Variants in PHF21A observed in about 807,000 individuals in gnomAD.
PHF21A encodes the protein BHC80a.
Under a neutral mutation model 82.5 loss-of-function variants are expected in PHF21A, and 11 were observed. The ratio of observed to expected loss-of-function variants is 0.13; its 90% CI spans 0.08 to 0.22. The LOEUF (loss-of-function observed/expected upper bound fraction) is 0.22, where lower values mean the gene tolerates loss of function less well. Among genes scored for constraint, PHF21A ranks in the 10% least tolerant of loss-of-function variants. The pLI is 1.00. For synonymous variants in PHF21A, 297 were observed against 302.8 expected (o/e 0.98, Z 0.20); for missense variants, 579 against 837.8 (o/e 0.69, Z 3.81).
chr11:45,983,304 G>A (rs562242801), intron 6 of PHF21A, among the ~76,000 whole-genome samples: 57 of 145,930 alleles, frequency 3.9e-4, no homozygotes, highest in African/African-American at 1.4e-3. Context: ...TGAGAGGAGG[G>A]AAAAAAAAAA....
At chr11:45,961,406 T>G (rs2945999) in intron 10 of PHF21A, among the ~76,000 whole-genome samples, 77,119 of 152,064 alleles carry the variant, frequency 0.51, 22,522 homozygotes, top group Non-Finnish European at 0.66. Flanking sequence ...CTTGGAACTA[T>G]TTTCTCTACT....
intron 4 of PHF21A, among the ~76,000 whole-genome samples, chr11:46,081,079 T>C (rs2096785894): frequency 6.6e-6 from 1 of 152,226 alleles, no homozygotes; most frequent in Non-Finnish European, 1.5e-5. Context: ...TGTAATAATC[T>C]AAGAAACCCT....
At chr11:45,954,629 T>C (rs907809414) in intron 10 of PHF21A, among the ~76,000 whole-genome samples, 6 of 152,202 alleles carry the variant, frequency 3.9e-5, no homozygotes, top group African/African-American at 1.4e-4. Flanking sequence ...ACTGGTAGAC[T>C]GGGCTTGCAT....
At chr11:46,099,927 T>G (rs2097068623) in intron 1 of PHF21A, among the ~76,000 whole-genome samples, 1 of 152,186 alleles carries the variant, frequency 6.6e-6, no homozygotes, top group Non-Finnish European at 1.5e-5. Flanking sequence ...CCATACAATT[T>G]ACATTTTTTA....
intron 18 of PHF21A, chr11:45,935,007 T>G: frequency 2.6e-6 from 2 of 757,220 alleles, no homozygotes; most frequent in Non-Finnish European, 4.0e-6. Context: ...CCAACAAGGG[T>G]GACCTACTCA....
At chr11:46,120,431 G>A (rs1593534275) in intron 1 of PHF21A, 2 of 145,662 alleles carry the variant, frequency 1.4e-5, no homozygotes, top group East Asian at 4.3e-4. Flanking sequence ...CCGGGACAAT[G>A]TGACGCCCCC....
intron 8 of PHF21A, chr11:45,970,819 G>C (rs2093699917): frequency 3.0e-6 from 1 of 336,700 alleles, no homozygotes; most frequent in Non-Finnish European, 5.5e-6. Flanking sequence ...GGGAGAGGGA[G>C]ACATAAATGA....
At chr11:46,084,602 C>T (rs913904592) in intron 3 of PHF21A, among the ~76,000 whole-genome samples, 4 of 152,090 alleles carry the variant, frequency 2.6e-5, no homozygotes, top group African/African-American at 7.2e-5. Flanking sequence ...CTGAGTAAGA[C>T]CACTTCTGTC....
intron 9 of PHF21A, among the ~76,000 whole-genome samples, chr11:45,967,648 T>C (rs996496088): frequency 3.3e-5 from 5 of 152,222 alleles, no homozygotes; most frequent in African/African-American, 9.6e-5. Context: ...TATGGACTCA[T>C]TGAAGACAAA....
At chr11:46,008,956 T>C (rs1327759154) in intron 6 of PHF21A, among the ~76,000 whole-genome samples, 1 of 151,106 alleles carries the variant, frequency 6.6e-6, no homozygotes, top group Non-Finnish European at 1.5e-5. Context: ...ACTCAACAAA[T>C]TGGTTCACAT....
intron 6 of PHF21A, among the ~76,000 whole-genome samples, chr11:46,063,503 T>G (rs2096560184): frequency 6.6e-6 from 1 of 152,194 alleles, no homozygotes; most frequent in Non-Finnish European, 1.5e-5. Context: ...GTGATTGTGT[T>G]CTAATAATTT....
At chr11:45,965,117 G>A (rs1189450232) in intron 10 of PHF21A, among the ~76,000 whole-genome samples, 198 bp downstream of exon 10, 1 of 152,192 alleles carries the variant, frequency 6.6e-6, no homozygotes, top group Non-Finnish European at 1.5e-5. Context: ...ACGAGGGGAT[G>A]GTGGGAAAAG....
chr11:46,082,521 T>C (rs1052089573), intron 4 of PHF21A, among the ~76,000 whole-genome samples: 1 of 152,218 alleles, frequency 6.6e-6, no homozygotes, highest in South Asian at 2.1e-4. Flanking sequence ...TATAAATAAA[T>C]GTTTATAATC....
intron 4 of PHF21A, among the ~76,000 whole-genome samples, chr11:46,079,734 T>A (rs1322349237): frequency 6.6e-6 from 1 of 151,872 alleles, no homozygotes; most frequent in East Asian, 1.9e-4. Flanking sequence ...GCAGGAACAA[T>A]ACAAAACTCT....
At chr11:46,076,477 T>C (rs569512762) in intron 6 of PHF21A, among the ~76,000 whole-genome samples, 12 of 152,260 alleles carry the variant, frequency 7.9e-5, no homozygotes, top group Non-Finnish European at 1.0e-4. Context: ...CCATCCCCTA[T>C]AGGTAAACTA....
rs144768762 is a variant in PHF21A at position 46,093,245 on chromosome 11, T to C, written c.-236-1022A>G. Among the ~76,000 whole-genome samples, 448 of 152,368 alleles carry C rather than the reference T, an allele frequency of 2.9e-3. 4 individuals are homozygous for C. Among genetic ancestry groups the C allele is most frequent in the Non-Finnish European group, 4.7e-3 (322 of 68,024 alleles). ...ATTATTTAAACTCCACTATATGCTA[T>C]GCTCTAAAACTACATGTCTTCCTTT... On this transcript the variant is annotated intron_variant, in intron 1 of 18. Coordinates refer to ENST00000676320, the MANE Select transcript of PHF21A (RefSeq NM_001352027.3).
intron 6 of PHF21A, among the ~76,000 whole-genome samples, chr11:46,040,890 GACACAC>G (rs35673374): frequency 0.025 from 3,475 of 137,230 alleles, 61 homozygotes; most frequent in African/African-American, 0.051. Flanking sequence ...CTGACAGGAA[GACACAC>G]ACACACACAC....
intron 6 of PHF21A, among the ~76,000 whole-genome samples, chr11:46,039,019 C>G (rs2096071158): frequency 2.0e-5 from 3 of 152,084 alleles, no homozygotes; most frequent in South Asian, 2.1e-4. Context: ...GAACAGAGAA[C>G]AGCAAGGAGC....
intron 10 of PHF21A, among the ~76,000 whole-genome samples, chr11:45,961,499 A>G (rs1022665891): frequency 9.9e-5 from 15 of 152,186 alleles, no homozygotes; most frequent in South Asian, 2.1e-4. Flanking sequence ...AAGATAATGC[A>G]TTGGATAATA....
Sources: allele counts gnomAD v4.1 joint callset (sites outside exome capture counted in the v4.1 genomes callset), GRCh38; gene constraint gnomAD v4.1.1; transcripts MANE v1.5; gene names NCBI Gene and HGNC (gene_info 2026-07-23, HGNC 2026-07-21).